FZD5: variants seen among roughly 807,000 people sequenced by gnomAD.
FZD5 encodes frizzled-5.
FZD5 carries 12 observed loss-of-function variants against 40.8 expected under a neutral mutation model. The observed-to-expected ratio is 0.29, with a 90% CI of 0.19 to 0.48. The LOEUF (loss-of-function observed/expected upper bound fraction) is 0.48. Ranked by LOEUF, FZD5 falls within the 20% of genes least tolerant of loss-of-function variation. The probability of loss-of-function intolerance (pLI) is 0.99; values close to 1 mark genes in which losing one functional copy is unlikely to be tolerated. For synonymous variants in FZD5, 380 were observed against 383.7 expected, an observed-to-expected ratio of 0.99 and a Z score of 0.11; for missense variants, 622 against 832.8, an observed-to-expected ratio of 0.75 and a Z score of 3.12.
chr2:207,768,208 A>C lies in FZD5; in HGVS notation c.532T>G (p.Ser178Ala). ...CCCCCAGCGGGGCATTCGCCCCCCG[A>C]GGCCGGCGCCCCTGGCGGGCCTGGA... ...TLPGPPGAPA[S>A]GGECPAGGPF... Residue 178 changes from serine (S) to alanine (A), a missense_variant, in exon 2 of 2, where the codon TCG (serine) becomes GCG (alanine). By Grantham distance (99) the Ser-to-Ala change is moderately conservative. This residue lies in a region of FZD5 where 116 missense variants were observed against 117.7 expected (regional missense o/e 0.99). Coordinates refer to ENST00000295417, the MANE Select transcript of FZD5 (RefSeq NM_003468.4). 1 of 1,582,740 alleles carries C rather than the reference A, an allele frequency of 6.3e-7. No homozygotes were observed. The highest frequency in any genetic ancestry group is 8.5e-7 in the Non-Finnish European group (1 of 1,170,048).
Position 207,765,374 on chromosome 2 carries a change from A to G in FZD5, c.*1608T>C, listed in dbSNP as rs2091974116. On this transcript the variant is annotated 3_prime_UTR_variant, in exon 2 of 2. Coordinates refer to ENST00000295417, the MANE Select transcript of FZD5 (RefSeq NM_003468.4). ...GCACTGTCACCCCCCTTCCCCAGTA[A>G]TGGCCCCACACTCTTCATGAATGAA... 1 of 152,188 alleles carries G rather than the reference A, an allele frequency of 6.6e-6. No homozygotes were observed. Among genetic ancestry groups the G allele is most frequent in the South Asian group, 2.1e-4 (1 of 4,826 alleles). The allele number at this position is 152,188 out of a possible 1,614,324, so 9.4% of individuals were successfully genotyped here.
At position 207,769,875 on chromosome 2, in the gene FZD5, G is replaced by A. The variant is rs992786254; in HGVS notation, c.-866C>T. On this transcript the variant is annotated 5_prime_UTR_variant, in exon 1 of 2. Coordinates refer to ENST00000295417, the MANE Select transcript of FZD5 (RefSeq NM_003468.4). ...GGAACCGCGCGCGGCGGCGACCACA[G>A]CGGACTCACGGCCGCAGGCTGGCTG... Among the ~76,000 whole-genome samples the A allele has an allele frequency of 1.3e-5, 2 of 152,114 alleles. No individual in the cohort carries two copies. Among genetic ancestry groups the A allele is most frequent in the South Asian group, 2.1e-4 (1 of 4,832 alleles).
rs1478529053 is a variant in FZD5 at position 207,762,908 on chromosome 2, T to C, written c.*4074A>G. 2.6e-5 allele frequency: 4 copies of C among 152,624 alleles called. No homozygotes were observed. The highest frequency in any genetic ancestry group is 7.2e-5 in the African/African-American group (3 of 41,440). The allele number at this position is 152,624 out of a possible 1,614,324, so 9.5% of individuals were successfully genotyped here. ...GGTTTCCTTTTGTAAGTGTTACAGA[T>C]TCAGAACTGTAATCATGTATCATCT... On this transcript the variant is annotated 3_prime_UTR_variant, in exon 2 of 2. Coordinates refer to ENST00000295417, the MANE Select transcript of FZD5 (RefSeq NM_003468.4).
chr2:207,766,734 T>G lies in FZD5; in HGVS notation c.*248A>C. 2.7e-6 allele frequency: 1 copy of G among 368,718 alleles called. No individual in the cohort carries two copies. Among genetic ancestry groups the G allele is most frequent in the East Asian group, 4.0e-5 (1 of 24,756 alleles). 22.8% of individuals were successfully genotyped at this position (368,718 alleles called of 1,614,324 possible). A position where few individuals can be genotyped will look rare whatever the true frequency, so the allele number is the denominator to read the frequency against. ...AGTTACAAATTAAGAAAAATACATA[T>G]AAATTAAAAAGAGGGTTCCCATAAA... On this transcript the variant is annotated 3_prime_UTR_variant, in exon 2 of 2. Coordinates refer to ENST00000295417, the MANE Select transcript of FZD5 (RefSeq NM_003468.4).
rs754471282 is a variant in FZD5, at chr2:207,767,162, C to T, written c.1578G>A (p.Thr526=). 7 of 1,584,006 alleles carry T rather than the reference C, an allele frequency of 4.4e-6. No individual in the cohort carries two copies. The highest frequency in any genetic ancestry group is 1.7e-4 in the Middle Eastern group (1 of 6,034). Residue 526 remains threonine, a synonymous_variant, in exon 2 of 2, where the codon ACG becomes ACA. Transcript: ENST00000295417. ...TSGVWIWSGK[T]VESWRRFTSR... is the part of the protein sequence containing the mutation. The stretch of plus-strand genomic sequence containing the variant: ...TGGTGAAACGCCGCCACGACTCCAC[C>T]GTCTTGCCCGACCAGATCCAGACGC...
rs2091963281 is a variant in FZD5 at position 207,763,175 on chromosome 2, A to C, written c.*3807T>G. On this transcript the variant is annotated 3_prime_UTR_variant, in exon 2 of 2. Transcript: ENST00000295417. ...TATCAAAAGTCACCAAATCTCTCAT[A>C]TATATATATAATATATATTATGTAT... The C allele has an allele frequency of 1.3e-5, 2 of 151,694 alleles. No homozygotes were observed. The highest frequency in any genetic ancestry group is 4.8e-5 in the African/African-American group (2 of 41,258). The allele number at this position is 151,694 out of a possible 1,614,324, so 9.4% of individuals were successfully genotyped here.
chr2:207,766,325 T>C lies in FZD5; in HGVS notation c.*657A>G, dbSNP rs2091979383. ...CTACAGAAAAGAAACTGAACCTCCC[T>C]CTATAAACAAAGCTAAGGCTGAACA... On this transcript the variant is annotated 3_prime_UTR_variant, in exon 2 of 2. Coordinates refer to ENST00000295417, the MANE Select transcript of FZD5 (RefSeq NM_003468.4). 1 of 152,274 alleles carries C rather than the reference T, an allele frequency of 6.6e-6. No homozygotes were observed. Among genetic ancestry groups the C allele is most frequent in the Non-Finnish European group, 1.5e-5 (1 of 68,088 alleles). 9.4% of individuals were successfully genotyped at this position (152,274 alleles called of 1,614,324 possible). A position where few individuals can be genotyped will look rare whatever the true frequency, so the allele number is the denominator to read the frequency against.
At position 207,768,939 on chromosome 2, in the gene FZD5, C is replaced by T; in HGVS notation, c.-200G>A. On this transcript the variant is annotated 5_prime_UTR_variant, in exon 2 of 2. Transcript: ENST00000295417. Reference sequence around the variant, plus strand: ...TGCCTCCGCTGGCAGCGCTCCGCTCCTCGCCGGATAGGGCTGGGGAGAGAC... The same window carrying T: ...TGCCTCCGCTGGCAGCGCTCCGCTCTTCGCCGGATAGGGCTGGGGAGAGAC... 1 of 598,632 alleles carries T rather than the reference C, an allele frequency of 1.7e-6. No homozygotes were observed. Among genetic ancestry groups the T allele is most frequent in the South Asian group, 2.1e-5 (1 of 48,330 alleles). 37.1% of individuals were successfully genotyped at this position (598,632 alleles called of 1,614,324 possible). A position where few individuals can be genotyped will look rare whatever the true frequency, so the allele number is the denominator to read the frequency against.
rs1246851636 is a variant in FZD5, at chr2:207,763,704, G to T, written c.*3278C>A. 1 of 152,610 alleles carries T rather than the reference G, an allele frequency of 6.6e-6. No homozygotes were observed. The highest frequency in any genetic ancestry group is 2.4e-5 in the African/African-American group (1 of 41,436). 9.5% of individuals were successfully genotyped at this position (152,610 alleles called of 1,614,324 possible). A position where few individuals can be genotyped will look rare whatever the true frequency, so the allele number is the denominator to read the frequency against. On this transcript the variant is annotated 3_prime_UTR_variant, in exon 2 of 2. Coordinates refer to ENST00000295417, the MANE Select transcript of FZD5 (RefSeq NM_003468.4). ...ATATACAACTACATTTCCTAGCTCT[G>T]GGGTTCCCATTCTGTACTGGAGAGT... is the stretch of plus-strand genomic sequence containing the variant.
At position 207,768,612 on chromosome 2, in the gene FZD5, C is replaced by A; in HGVS notation, c.128G>T (p.Gly43Val). ...CQEITVPMCR[G>V]IGYNLTHMPN... ...CATGTGCGTCAGGTTGTAGCCGATG[C>A]CGCGGCACATGGGCACCGTGATTTC... The change falls in exon 2 of 2, where the codon GGC becomes GTC. Residue 43 changes from glycine (G) to valine (V), a missense_variant. Gly to Val is a moderately radical substitution (Grantham distance 109, BLOSUM62 -3). Coordinates refer to ENST00000295417, the MANE Select transcript of FZD5 (RefSeq NM_003468.4). The A allele has an allele frequency of 1.2e-6, 2 of 1,613,904 alleles. No homozygotes were observed. Among genetic ancestry groups the A allele is most frequent in the Non-Finnish European group, 1.7e-6 (2 of 1,179,844 alleles).
At position 207,768,746 on chromosome 2, in the gene FZD5, CT is replaced by C; in HGVS notation, c.-8del. On this transcript the variant is annotated 5_prime_UTR_variant, in exon 2 of 2. Coordinates refer to ENST00000295417, the MANE Select transcript of FZD5 (RefSeq NM_003468.4). ...ATGGGTCAGGCCGAGCCATCGCCCC[CT>C]CCCTCCCCTCGCCTCCAGCAGCCCG... 1 of 1,539,190 alleles carries C rather than the reference CT, an allele frequency of 6.5e-7. No homozygotes were observed. Among genetic ancestry groups the C allele is most frequent in the Non-Finnish European group, 8.8e-7 (1 of 1,142,518 alleles).
rs768625017 is a variant in FZD5 at position 207,765,083 on chromosome 2, C to T, written c.*1899G>A. 1.3e-5 allele frequency: 2 copies of T among 152,090 alleles called. No homozygotes were observed. Among genetic ancestry groups the T allele is most frequent in the Non-Finnish European group, 2.9e-5 (2 of 68,028 alleles). 9.4% of individuals were successfully genotyped at this position (152,090 alleles called of 1,614,324 possible). A position where few individuals can be genotyped will look rare whatever the true frequency, so the allele number is the denominator to read the frequency against. On this transcript the variant is annotated 3_prime_UTR_variant, in exon 2 of 2. Coordinates refer to ENST00000295417, the MANE Select transcript of FZD5 (RefSeq NM_003468.4). ...AATAAATGTGAAGTTTTTGAGAGTC[C>T]TTACAACTTTAATACTAGGTTTCTT...
In FZD5 at chr2:207,768,851, A is replaced by G; in HGVS notation, c.-112T>C. The G allele has an allele frequency of 1.2e-6, 1 of 864,726 alleles. No individual in the cohort carries two copies. The highest frequency in any genetic ancestry group is 1.8e-5 in the South Asian group (1 of 55,024). The allele number at this position is 864,726 out of a possible 1,614,324, so 53.6% of individuals were successfully genotyped here. A position where few individuals can be genotyped will look rare whatever the true frequency, so the allele number is the denominator to read the frequency against. On this transcript the variant is annotated 5_prime_UTR_variant, in exon 2 of 2. Coordinates refer to ENST00000295417, the MANE Select transcript of FZD5 (RefSeq NM_003468.4). ...CTCGTGTGTGGCGCCGGGGCTGGCA[A>G]CCTGTTGGTTGCTTTTTCCTTTAAA...
In FZD5 at chr2:207,762,750, A is replaced by G. The variant is rs1038996837; in HGVS notation, c.*4232T>C. The G allele has an allele frequency of 6.6e-6, 1 of 152,622 alleles. No homozygotes were observed. The highest frequency in any genetic ancestry group is 2.4e-5 in the African/African-American group (1 of 41,424). The allele number at this position is 152,622 out of a possible 1,614,324, so 9.5% of individuals were successfully genotyped here. On this transcript the variant is annotated 3_prime_UTR_variant, in exon 2 of 2. Transcript: ENST00000295417. Reference sequence around the variant, plus strand: ...ATGATTATTTTACCTTCCCACAAATATAATACATACAAAATTTTTCTGAAG... The same window carrying G: ...ATGATTATTTTACCTTCCCACAAATGTAATACATACAAAATTTTTCTGAAG...
At position 207,768,241 on chromosome 2, in the gene FZD5, G is replaced by A; in HGVS notation, c.499C>T (p.Pro167Ser). 6.4e-7 allele frequency: 1 copy of A among 1,556,618 alleles called. No homozygotes were observed. Among genetic ancestry groups the A allele is most frequent in the Non-Finnish European group, 8.6e-7 (1 of 1,156,902 alleles). Residue 167 changes from proline to serine, a missense_variant, in exon 2 of 2, where the codon CCC (proline) becomes TCC (serine). Coordinates refer to ENST00000295417, the MANE Select transcript of FZD5 (RefSeq NM_003468.4). ...TAPPRPFPAK[P>S]TLPGPPGAPA... is the part of the protein sequence containing the mutation. The stretch of plus-strand genomic sequence containing the variant: ...GCCCCTGGCGGGCCTGGAAGGGTGG[G>A]CTTGGCTGGGAAAGGCCTGGGGGGC...
chr2:207,767,303 C>G lies in FZD5; in HGVS notation c.1437G>C (p.Glu479Asp), dbSNP rs761197953. ...LYEQHYRESW[E>D]AALTCACPGH... ...CCGGGCAGGCGCAGGTGAGCGCCGC[C>G]TCCCAGCTCTCGCGGTAGTGCTGCT... Residue 479 changes from glutamate (E) to aspartate (D), a missense_variant, in exon 2 of 2, where the codon GAG becomes GAC. This residue lies in a region of FZD5 where 208 missense variants were observed against 348.9 expected (regional missense o/e 0.60). Coordinates refer to ENST00000295417, the MANE Select transcript of FZD5 (RefSeq NM_003468.4). 1 of 1,611,470 alleles carries G rather than the reference C, an allele frequency of 6.2e-7. No individual in the cohort carries two copies. Among genetic ancestry groups the G allele is most frequent in the South Asian group, 1.1e-5 (1 of 90,992 alleles).
rs1309717042 is a variant in FZD5 at position 207,765,190 on chromosome 2, CTTAAATT to C, written c.*1785_*1791del. 6.6e-6 allele frequency: 1 copy of C among 152,188 alleles called. No individual in the cohort carries two copies. The highest frequency in any genetic ancestry group is 1.5e-5 in the Non-Finnish European group (1 of 68,038). The allele number at this position is 152,188 out of a possible 1,614,324, so 9.4% of individuals were successfully genotyped here. A position where few individuals can be genotyped will look rare whatever the true frequency, so the allele number is the denominator to read the frequency against. ...TCCATGAAGTAAAAATTGTCCTAGG[CTTAAATT>C]TTACTTTTCCAACTTTGGTATAAGT... is the stretch of plus-strand genomic sequence containing the variant. On this transcript the variant is annotated 3_prime_UTR_variant, in exon 2 of 2. Transcript: ENST00000295417.
In FZD5 at chr2:207,762,673, ATTTC is replaced by A. The variant is rs1282905637; in HGVS notation, c.*4305_*4308del. 2.0e-5 allele frequency: 3 copies of A among 152,766 alleles called. No individual in the cohort carries two copies. The South Asian group carries it at 6.2e-4, about 32-fold the overall frequency. The allele number at this position is 152,766 out of a possible 1,614,324, so 9.5% of individuals were successfully genotyped here. On this transcript the variant is annotated 3_prime_UTR_variant, in exon 2 of 2. Transcript: ENST00000295417. ...TAATTGGGAACAAAGAAAAATAGAC[ATTTC>A]TTTGTTTTTCATAAATAACTAATCT...
chr2:207,763,046 A>G lies in FZD5; in HGVS notation c.*3936T>C, dbSNP rs1467077684. On this transcript the variant is annotated 3_prime_UTR_variant, in exon 2 of 2. Coordinates refer to ENST00000295417, the MANE Select transcript of FZD5 (RefSeq NM_003468.4). ...GACTACAGCATGGGATAGGCACTAT[A>G]CATATATGGAAATCATAAACAGTAT... The G allele has an allele frequency of 6.6e-6, 1 of 152,610 alleles. No individual in the cohort carries two copies. The highest frequency in any genetic ancestry group is 1.5e-5 in the Non-Finnish European group (1 of 68,030). 9.5% of individuals were successfully genotyped at this position (152,610 alleles called of 1,614,324 possible). A position where few individuals can be genotyped will look rare whatever the true frequency, so the allele number is the denominator to read the frequency against.
Sources: gnomAD v4.1 joint callset for allele counts (sites outside exome capture counted in the v4.1 genomes callset) on GRCh38, gnomAD v4.1.1 for gene constraint, gnomAD v4.1.1 regional missense constraint, MANE v1.5 for transcripts, NCBI Gene and HGNC (gene_info 2026-07-23, HGNC 2026-07-21) for gene names.